GBP6: variants seen among roughly 807,000 people sequenced by gnomAD.
GBP6 encodes the protein guanylate-binding protein 6.
GBP6 carries 54 observed loss-of-function variants against 61.5 expected under a neutral mutation model. The observed-to-expected ratio is 0.88, with a 90% CI of 0.71 to 1.10. GBP6 has a LOEUF of 1.10. Among genes scored for constraint, GBP6 ranks in the 50% least tolerant of loss-of-function variants. The pLI, the probability that GBP6 is intolerant of heterozygous loss-of-function variation, is 0.00. For missense variants in GBP6, 748 were observed against 752.8 expected (o/e 0.99, Z 0.07); for synonymous variants, 255 against 273.7 (o/e 0.93, Z 0.67).
At chr1:89,378,983 G>T (rs915943036) in intron 5 of GBP6, among the ~76,000 whole-genome samples, 2 of 152,072 alleles carry the variant, frequency 1.3e-5, no homozygotes, top group African/African-American at 4.8e-5. Flanking sequence ...ACAATGAAAA[G>T]CCTATCTAAT....
intron 10 of GBP6, 104 bp downstream of exon 10, chr1:89,384,390 A>C: frequency 1.1e-6 from 1 of 870,520 alleles, no homozygotes; most frequent in Non-Finnish European, 1.7e-6. Context: ...GCACATCACC[A>C]TTTGCTGCTT....
chr1:89,375,890 T>C (rs1260159761), intron 3 of GBP6, among the ~76,000 whole-genome samples: 1 of 152,090 alleles, frequency 6.6e-6, no homozygotes, highest in Non-Finnish European at 1.5e-5. Flanking sequence ...CTTCATATCT[T>C]TTTTTTCCCC....
intron 8 of GBP6, 60 bp from the exon 9 acceptor site, chr1:89,383,592 C>A (rs2100674982): frequency 1.7e-6 from 2 of 1,194,326 alleles, no homozygotes; most frequent in Non-Finnish European, 1.2e-6. Context: ...GTTCTTGCAA[C>A]ACTAATACCC....
chr1:89,373,664 G>A (rs192413018), intron 3 of GBP6, among the ~76,000 whole-genome samples: 22 of 152,194 alleles, frequency 1.4e-4, no homozygotes, highest in Non-Finnish European at 2.4e-4. Context: ...AGGGCCTGTC[G>A]TGAGGTGGCA....
At chr1:89,381,581 T>C in intron 6 of GBP6, 113 bp from the exon 7 acceptor site, 1 of 987,530 alleles carries the variant, frequency 1.0e-6, no homozygotes, top group Non-Finnish European at 1.5e-6. Context: ...TGTATGTGTT[T>C]GCATGTGTGC....
chr1:89,387,882 G>A lies in GBP6; in HGVS notation c.*2413G>A, dbSNP rs1420100418. 6.6e-6 allele frequency among the ~76,000 whole-genome samples: 1 copy of A among 152,230 alleles called. No homozygotes were observed. The highest frequency in any genetic ancestry group is 1.5e-5 in the Non-Finnish European group (1 of 68,044). On this transcript the variant is annotated 3_prime_UTR_variant, in exon 11 of 11. Coordinates refer to ENST00000370456, the MANE Select transcript of GBP6 (RefSeq NM_198460.3). The stretch of plus-strand genomic sequence containing the variant: ...TGGGAGGTGGAGGTTGCAGTGAGCC[G>A]AGATTGTGCCATTGCACTCCAGCCC...
In GBP6 at chr1:89,382,876, G is replaced by C. The variant is rs749862782; in HGVS notation, c.1365G>C (p.Lys455Asn). The change falls in exon 8 of 11, where the codon AAG becomes AAC. Residue 455 changes from lysine (K) to asparagine (N), a missense_variant and splice_region_variant. Transcript: ENST00000370456. ...GGCAAGTTCCCAGGAAAGGAGTAAA[G>C]GTAAGGAATAAGGGGAGCATGGGGA... ...DYWQVPRKGV[K>N]AKEVFQRFLE... 13 of 1,607,454 alleles carry C rather than the reference G, an allele frequency of 8.1e-6. No individual in the cohort carries two copies. The highest frequency in any genetic ancestry group is 1.0e-5 in the Non-Finnish European group (12 of 1,174,076).
chr1:89,382,773 T>A lies in GBP6; in HGVS notation c.1262T>A (p.Ile421Asn), dbSNP rs571463495. The change falls in exon 8 of 11, where the codon ATC becomes AAC. Residue 421 changes from isoleucine (I) to asparagine (N), a missense_variant. Transcript: ENST00000370456. ...CTCTCAAAGGGACTAATGGAAAGTATCTCAGCAGGAAGTTTCTCTGTTCCT... is the reference window on the plus strand; with the variant it reads ...CTCTCAAAGGGACTAATGGAAAGTAACTCAGCAGGAAGTTTCTCTGTTCCT... ...NELSKGLMES[I>N]SAGSFSVPGG... The A allele has an allele frequency of 6.2e-7, 1 of 1,614,044 alleles. No homozygotes were observed. The highest frequency in any genetic ancestry group is 1.3e-5 in the African/African-American group (1 of 75,032).
In GBP6 at chr1:89,374,318, TTGTG is replaced by T. The variant is rs1652739600; in HGVS notation, c.319-3784_319-3781del. The stretch of plus-strand genomic sequence containing the variant: ...TCGGGTAGTTTCCATATCTTGGCTA[TTGTG>T]AATAATGCTGCAATTATTATGGATA... On this transcript the variant is annotated intron_variant, in intron 3 of 10. Transcript: ENST00000370456. Among the ~76,000 whole-genome samples, 11 of 152,222 alleles carry T rather than the reference TTGTG, an allele frequency of 7.2e-5. 1 individual carries two copies. Among genetic ancestry groups the T allele is most frequent in the Admixed American group, 6.5e-4 (10 of 15,278 alleles).
At chr1:89,367,178 A>G (rs186573927) in intron 1 of GBP6, among the ~76,000 whole-genome samples, 1 of 152,332 alleles carries the variant, frequency 6.6e-6, no homozygotes, top group East Asian at 1.9e-4. Context: ...ATGTAGAAGT[A>G]GAATAGCTTG....
At chr1:89,374,719 G>A (rs1181720099) in intron 3 of GBP6, among the ~76,000 whole-genome samples, 2 of 151,906 alleles carry the variant, frequency 1.3e-5, no homozygotes. Flanking sequence ...CCATTTGTAC[G>A]TCTTCTTTTG....
In GBP6 at chr1:89,385,541, G is replaced by GTTTTT. The variant is rs370789372; in HGVS notation, c.*82_*86dup. 50 of 1,139,088 alleles carry GTTTTT rather than the reference G, an allele frequency of 4.4e-5. No homozygotes were observed. The highest frequency in any genetic ancestry group is 3.8e-4 in the African/African-American group (23 of 61,238). The allele number at this position is 1,139,088 out of a possible 1,614,324, so 70.6% of individuals were successfully genotyped here. A position where few individuals can be genotyped will look rare whatever the true frequency, so the allele number is the denominator to read the frequency against. On this transcript the variant is annotated 3_prime_UTR_variant, in exon 11 of 11. Coordinates refer to ENST00000370456, the MANE Select transcript of GBP6 (RefSeq NM_198460.3). ...TATGTTTTTCATTTTCATTCAGCAA[G>GTTTTT]TTTTTTTTTTTTTTCAGAGTCTTAC...
rs546229582 is a variant in GBP6, at chr1:89,386,254, C to A, written c.*785C>A. 6.6e-6 allele frequency: 1 copy of A among 151,620 alleles called. No homozygotes were observed. Among genetic ancestry groups the A allele is most frequent in the African/African-American group, 2.4e-5 (1 of 41,356 alleles). 9.4% of individuals were successfully genotyped at this position (151,620 alleles called of 1,614,324 possible). A position where few individuals can be genotyped will look rare whatever the true frequency, so the allele number is the denominator to read the frequency against. On this transcript the variant is annotated 3_prime_UTR_variant, in exon 11 of 11. Transcript: ENST00000370456. ...ATTATATGGAAGCATGCAAATATATCTCTGGAAAGATTAATCAAAATCTAT... is the reference window on the plus strand; with the variant it reads ...ATTATATGGAAGCATGCAAATATATATCTGGAAAGATTAATCAAAATCTAT...
intron 3 of GBP6, among the ~76,000 whole-genome samples, chr1:89,377,688 C>T (rs935594425): frequency 6.6e-6 from 1 of 152,126 alleles, no homozygotes; most frequent in Non-Finnish European, 1.5e-5. Flanking sequence ...CTTCAGTTTC[C>T]TATAAGTGTT....
Position 89,385,411 on chromosome 1 carries a change from T to C in GBP6, c.1844T>C (p.Ile615Thr), listed in dbSNP as rs777749143. ...ATATTGTCTGCTCCTGCTAAATTAA[T>C]TGGTCATGGTGTCAAAGGTGTGAGC... ...TAILSAPAKL[I>T]GHGVKGVSSL... Residue 615 changes from isoleucine (I) to threonine (T), a missense_variant, in exon 11 of 11, where the codon ATT becomes ACT. Coordinates refer to ENST00000370456, the MANE Select transcript of GBP6 (RefSeq NM_198460.3). The C allele has an allele frequency of 1.2e-6, 2 of 1,614,048 alleles. No homozygotes were observed. The highest frequency in any genetic ancestry group is 1.7e-5 in the Admixed American group (1 of 60,008).
chr1:89,380,667 G>C, intron 6 of GBP6, 36 bp downstream of exon 6: 1 of 1,599,884 alleles, frequency 6.3e-7, no homozygotes, highest in East Asian at 2.2e-5. Flanking sequence ...GGGGCCTCAT[G>C]TGTGTTGAAT....
intron 3 of GBP6, among the ~76,000 whole-genome samples, chr1:89,371,001 TC>T (rs1339811663): frequency 6.6e-6 from 1 of 152,180 alleles, no homozygotes; most frequent in Non-Finnish European, 1.5e-5. Context: ...ATTTCTCGCA[TC>T]CCCAGCCCCT....
chr1:89,380,462 C>G lies in GBP6; in HGVS notation c.702C>G (p.Phe234Leu). 7 of 1,614,020 alleles carry G rather than the reference C, an allele frequency of 4.3e-6. No homozygotes were observed. Among genetic ancestry groups the G allele is most frequent in the Non-Finnish European group, 5.9e-6 (7 of 1,179,968 alleles). ...IRRFFPKRKC[F>L]VFDRPTNDKD... ...GTTTCTTTCCAAAACGGAAGTGTTT[C>G]GTCTTTGACCGGCCAACAAATGACA... The change falls in exon 6 of 11, where the codon TTC becomes TTG. Residue 234 changes from phenylalanine to leucine, a missense_variant. Transcript: ENST00000370456.
chr1:89,381,266 CA>C (rs769164915), intron 6 of GBP6, among the ~76,000 whole-genome samples: 846 of 51,208 alleles, frequency 0.017, 2 homozygotes, highest in African/African-American at 0.044. Context: ...GCCTGGGCCT[CA>C]AAAAAAAAAA....
Sources: gnomAD v4.1 joint callset for allele counts (sites outside exome capture counted in the v4.1 genomes callset) on GRCh38, gnomAD v4.1.1 for gene constraint, MANE v1.5 for transcripts, NCBI Gene and HGNC (gene_info 2026-07-23, HGNC 2026-07-21) for gene names.